RARS1: variants seen among roughly 807,000 people sequenced by gnomAD.
The protein encoded by RARS1 is arginine--tRNA ligase, cytoplasmic.
RARS1 carries 75 observed loss-of-function variants against 78.7 expected under a neutral mutation model. The ratio of observed to expected loss-of-function variants is 0.95; its 90% CI spans 0.79 to 1.15. RARS1 has a LOEUF of 1.15. Ranked by LOEUF, RARS1 falls within the 50% of genes most tolerant of loss-of-function variation. The pLI, the probability that RARS1 is intolerant of heterozygous loss-of-function variation, is 0.00. For missense variants in RARS1, 787 were observed against 787.5 expected, an observed-to-expected ratio of 1.00 and a Z score of 0.01; for synonymous variants, 273 against 268.2, an observed-to-expected ratio of 1.02 and a Z score of -0.18.
At chr5:168,515,139 T>G (rs1561828500) in intron 12 of RARS1, among the ~76,000 whole-genome samples, 1 of 152,212 alleles carries the variant, frequency 6.6e-6, no homozygotes, top group East Asian at 1.9e-4. Context: ...TTCTCCCCTG[T>G]AAAGTTAGTA....
intron 14 of RARS1, among the ~76,000 whole-genome samples, chr5:168,518,792 C>T (rs546780914): frequency 5.3e-5 from 8 of 152,182 alleles, no homozygotes; most frequent in African/African-American, 1.7e-4. Flanking sequence ...TATTTCAGAC[C>T]GTGAGGACTA....
intron 8 of RARS1, 39 bp from the exon 9 acceptor site, chr5:168,501,962 T>C (rs1561823038): frequency 6.4e-7 from 1 of 1,565,596 alleles, no homozygotes. Context: ...AAAAAATTCT[T>C]ATGCATTTTA....
chr5:168,492,598 A>G (rs1758107183), intron 2 of RARS1, 61 bp from the exon 3 acceptor site: 2 of 1,337,062 alleles, frequency 1.5e-6, no homozygotes, highest in African/African-American at 2.9e-5. Flanking sequence ...ATATTTGGAG[A>G]CATCTTGTAT....
rs146776969 is a variant in RARS1 at position 168,498,753 on chromosome 5, G to A, written c.822+1405G>A. Among the ~76,000 whole-genome samples, 44 of 152,204 alleles carry A rather than the reference G, an allele frequency of 2.9e-4. No individual in the cohort carries two copies. In the East Asian group the frequency reaches 8.5e-3, roughly 29 times the overall value. ...AGGCCAAGGTGGGCAAAATGCTTGA[G>A]CCTAGGAGTTTGAGACCAGTCTGGG... On this transcript the variant is annotated intron_variant, in intron 7 of 14. Transcript: ENST00000231572.
chr5:168,489,391 A>C (rs935701462), intron 2 of RARS1, among the ~76,000 whole-genome samples: 1 of 152,220 alleles, frequency 6.6e-6, no homozygotes, highest in Admixed American at 6.5e-5. Context: ...TTTTTAAATC[A>C]TTGCCTCTAT....
At chr5:168,501,630 G>C (rs933716089) in intron 8 of RARS1, among the ~76,000 whole-genome samples, 2 of 152,310 alleles carry the variant, frequency 1.3e-5, no homozygotes, top group East Asian at 3.9e-4. Context: ...GGCTGAGGCA[G>C]GAGAATCGCT....
At chr5:168,496,334 G>A (rs1418663857) in intron 6 of RARS1, among the ~76,000 whole-genome samples, 4 of 148,988 alleles carry the variant, frequency 2.7e-5, no homozygotes, top group Non-Finnish European at 4.4e-5. Context: ...AGCTGAGATC[G>A]TGCCACTGCA....
intron 2 of RARS1, among the ~76,000 whole-genome samples, chr5:168,492,029 A>C (rs1415692548): frequency 6.8e-6 from 1 of 147,474 alleles, no homozygotes; most frequent in Non-Finnish European, 1.5e-5. Flanking sequence ...GAGAGCCATG[A>C]ATTAAGCACT....
intron 12 of RARS1, among the ~76,000 whole-genome samples, chr5:168,512,631 A>G (rs1042469562): frequency 2.0e-5 from 3 of 152,182 alleles, no homozygotes; most frequent in Non-Finnish European, 2.9e-5. Context: ...GAGTCCCAAA[A>G]CTGAAGAACT....
At chr5:168,513,101 A>AGTG (rs1758597279) in intron 12 of RARS1, among the ~76,000 whole-genome samples, 1 of 150,298 alleles carries the variant, frequency 6.7e-6, no homozygotes, top group Admixed American at 6.6e-5. Context: ...GCTGGAGTGC[A>AGTG]GTGGCACGAT....
intron 13 of RARS1, among the ~76,000 whole-genome samples, chr5:168,517,179 G>T (rs1400667239): frequency 6.6e-6 from 1 of 151,912 alleles, no homozygotes; most frequent in Admixed American, 6.6e-5. Context: ...GTCTCACTCT[G>T]TTGCCCACGC....
intron 12 of RARS1, among the ~76,000 whole-genome samples, chr5:168,513,221 ATTTTT>A (rs35468758): frequency 1.1e-5 from 1 of 91,810 alleles, no homozygotes; most frequent in African/African-American, 4.1e-5. Flanking sequence ...AATTTTTTGT[ATTTTT>A]TTTTTTTTTT....
At chr5:168,496,180 G>C in intron 6 of RARS1, among the ~76,000 whole-genome samples, 1 of 152,032 alleles carries the variant, frequency 6.6e-6, no homozygotes, top group Non-Finnish European at 1.5e-5. Flanking sequence ...AGGAGTTTGA[G>C]ACCAGCCTGG....
At chr5:168,518,089 T>TG (rs1554123393) in intron 14 of RARS1, 27 bp downstream of exon 14, 4 of 1,430,988 alleles carry the variant, frequency 2.8e-6, no homozygotes, top group Non-Finnish European at 3.6e-6. Context: ...TTTTTTTTTT[T>TG]TTTTTTAGTG....
Position 168,517,943 on chromosome 5 carries a change from T to C in RARS1, c.1754T>C (p.Leu585Pro), listed in dbSNP as rs141252583. The C allele has an allele frequency of 1.3e-5, 21 of 1,613,920 alleles. No homozygotes were observed. The highest frequency in any genetic ancestry group is 1.7e-5 in the Non-Finnish European group (20 of 1,180,010). The change falls in exon 14 of 15, where the codon CTG becomes CCG. Residue 585 changes from leucine to proline, a missense_variant. Transcript: ENST00000231572. ...TGCATTTTACGGTTCCCTGAGATTC[T>C]GCAAAAGATTTTAGATGACTTATTT... Reference protein sequence around the residue: ...GRCILRFPEILQKILDDLFLH... With the variant: ...GRCILRFPEIPQKILDDLFLH...
Position 168,519,171 on chromosome 5 carries a change from A to T in RARS1, c.1964A>T (p.Lys655Ile), listed in dbSNP as rs1384438194. 1 of 1,613,404 alleles carries T rather than the reference A, an allele frequency of 6.2e-7. No homozygotes were observed. Among genetic ancestry groups the T allele is most frequent in the East Asian group, 2.2e-5 (1 of 44,854 alleles). The change falls in exon 15 of 15, where the codon AAA becomes ATA. Residue 655 changes from lysine (K) to isoleucine (I), a missense_variant. Coordinates refer to ENST00000231572, the MANE Select transcript of RARS1 (RefSeq NM_002887.4). The part of the protein sequence containing the change: ...MAKGFDILGI[K>I]PVQRM ...AAGGGGTTTGATATCCTGGGAATAA[A>T]ACCTGTCCAAAGGATGTAATCCTTC... is the stretch of plus-strand genomic sequence containing the variant.
In RARS1 at chr5:168,497,221, G is replaced by A; in HGVS notation, c.702-7G>A. Reference sequence around the variant, plus strand: ...AAAATGATTATATATTCTCTGATTGGTGTTAGGTTAAATCATGTAGGAGAC... The same window carrying A: ...AAAATGATTATATATTCTCTGATTGATGTTAGGTTAAATCATGTAGGAGAC... On this transcript the variant is annotated splice_polypyrimidine_tract_variant and splice_region_variant and intron_variant, in intron 6 of 14. Transcript: ENST00000231572. 1 of 1,506,848 alleles carries A rather than the reference G, an allele frequency of 6.6e-7. No individual in the cohort carries two copies. Among genetic ancestry groups the A allele is most frequent in the Non-Finnish European group, 8.9e-7 (1 of 1,125,040 alleles). 93.3% of individuals were successfully genotyped at this position (1,506,848 alleles called of 1,614,324 possible).
intron 14 of RARS1, 95 bp from the exon 15 acceptor site, chr5:168,518,986 A>T (rs1398810273): frequency 1.1e-6 from 1 of 944,036 alleles, no homozygotes; most frequent in Non-Finnish European, 1.6e-6. Context: ...TGGACTATGC[A>T]CTTCTAACTA....
At chr5:168,518,133 G>A in intron 14 of RARS1, 71 bp downstream of exon 14, 1 of 1,342,120 alleles carries the variant, frequency 7.5e-7, no homozygotes, top group South Asian at 1.7e-5. Context: ...CCTTGGGCTG[G>A]AGTACGGTGG....
Sources: allele counts gnomAD v4.1 joint callset (sites outside exome capture counted in the v4.1 genomes callset), GRCh38; gene constraint gnomAD v4.1.1; transcripts MANE v1.5; gene names NCBI Gene and HGNC (gene_info 2026-07-23, HGNC 2026-07-21).